Variants in GRIK4 observed in about 807,000 individuals in gnomAD.
The protein encoded by GRIK4 is glutamate receptor ionotropic, kainate 4.
A neutral mutation model predicts 104.9 loss-of-function variants in GRIK4; 40 were observed. That is an observed-to-expected ratio of 0.38 (90% CI 0.30 to 0.50). The LOEUF is 0.50. Among genes scored for constraint, GRIK4 ranks in the 20% least tolerant of loss-of-function variants. The pLI is 0.93. For synonymous variants in GRIK4, 485 were observed against 524.9 expected (o/e 0.92, Z 1.04); for missense variants, 1,047 against 1,308.1 (o/e 0.80, Z 3.08).
rs1948115111 is a variant in GRIK4 at position 120,549,181 on chromosome 11, C to T, written c.-159+37294C>T. ...TGGCGTGATCTCAGCTCACTGCAACCTCTGCTTCCTGGGTTCAAGCAATTC... is the reference window on the plus strand; with the variant it reads ...TGGCGTGATCTCAGCTCACTGCAACTTCTGCTTCCTGGGTTCAAGCAATTC... On this transcript the variant is annotated intron_variant, in intron 1 of 20. Transcript: ENST00000527524. This position sits in a 1 kb window ranked among gnomAD's most constrained non-coding sequence, Gnocchi z 4.7. Among the ~76,000 whole-genome samples the T allele has an allele frequency of 6.6e-6, 1 of 152,084 alleles. No homozygotes were observed. Among genetic ancestry groups the T allele is most frequent in the Non-Finnish European group, 1.5e-5 (1 of 68,008 alleles).
intron 14 of GRIK4, among the ~76,000 whole-genome samples, chr11:120,947,520 G>A (rs1943891561): frequency 6.6e-6 from 1 of 152,144 alleles, no homozygotes; most frequent in Non-Finnish European, 1.5e-5. Context: ...GACTGTCTAG[G>A]AAAATGGAGA....
At chr11:120,870,426 C>T (rs2135666530) in intron 9 of GRIK4, 1 of 152,390 alleles carries the variant, frequency 6.6e-6, no homozygotes, top group East Asian at 1.9e-4. Context: ...AGAAGCCTGC[C>T]CACCATCCCT....
intron 3 of GRIK4, among the ~76,000 whole-genome samples, chr11:120,720,226 A>G (rs1230473860): frequency 1.3e-5 from 2 of 152,092 alleles, no homozygotes; most frequent in Non-Finnish European, 2.9e-5. Context: ...CATTAGAACA[A>G]CTTCTGCTGG....
At chr11:120,850,540 C>G (rs1357777682) in intron 8 of GRIK4, among the ~76,000 whole-genome samples, 5 of 152,206 alleles carry the variant, frequency 3.3e-5, no homozygotes, top group Admixed American at 6.5e-5. Context: ...TCTGTGTTGT[C>G]TCTGCTGAAG....
chr11:120,706,429 G>A (rs540768007), intron 3 of GRIK4, among the ~76,000 whole-genome samples: 76 of 152,280 alleles, frequency 5.0e-4, no homozygotes, highest in African/African-American at 1.6e-3. Context: ...GAGTGTGCAC[G>A]TGTGGATGTG....
At chr11:120,763,265 C>T (rs1211175770) in intron 3 of GRIK4, among the ~76,000 whole-genome samples, 11 of 151,792 alleles carry the variant, frequency 7.2e-5, no homozygotes, top group Admixed American at 3.3e-4. Flanking sequence ...GATGGTAGTT[C>T]GTATTCTTTG....
chr11:120,658,727 CTTTTTTTTTTTTTTTTTTTTTT>C (rs71050753), intron 2 of GRIK4, among the ~76,000 whole-genome samples: 13 of 56,692 alleles, frequency 2.3e-4, no homozygotes, highest in Non-Finnish European at 3.1e-4. Context: ...GAGGACGAAA[CTTTTTTTTTTTTTTTTTTTTTT>C]TTTTTTTTTT....
At position 120,905,589 on chromosome 11, in the gene GRIK4, TCA is replaced by T. The variant is rs986254592; in HGVS notation, c.1476+97_1476+98del. 2.2e-5 allele frequency: 18 copies of T among 826,792 alleles called. No homozygotes were observed. The highest frequency in any genetic ancestry group is 3.6e-5 in the Non-Finnish European group (18 of 493,624). The allele number at this position is 826,792 out of a possible 1,614,324, so 51.2% of individuals were successfully genotyped here. A position where few individuals can be genotyped will look rare whatever the true frequency, so the allele number is the denominator to read the frequency against. ...GCACGCTCATGAACCCTCCATTTGT[TCA>T]GTCAATCATTCATGCATTTGTCATT... On this transcript the variant is annotated intron_variant, in intron 13 of 20. Coordinates refer to ENST00000527524, the MANE Select transcript of GRIK4 (RefSeq NM_014619.5). The surrounding 1 kb of genome is among the most constrained non-coding windows in gnomAD (Gnocchi z 5.1).
Position 120,802,718 on chromosome 11 carries a change from G to C in GRIK4, c.108G>C (p.Glu36Asp), listed in dbSNP as rs1256521092. 1 of 1,614,102 alleles carries C rather than the reference G, an allele frequency of 6.2e-7. No homozygotes were observed. Among genetic ancestry groups the C allele is most frequent in the Admixed American group, 1.7e-5 (1 of 60,028 alleles). ...RIAAILDDPM[E>D]CSRGERLSIT... ...CTGCTATCTTGGACGACCCCATGGA[G>C]TGCAGCAGAGGGGAGCGGCTCTCCA... The change falls in exon 4 of 21, where the codon GAG (glutamate) becomes GAC (aspartate). Residue 36 changes from glutamate (E) to aspartate (D), a missense_variant. Around this residue, in one of 3 missense-constraint regions of GRIK4, gnomAD observed 447 missense variants for 514.9 expected, o/e 0.87. Transcript: ENST00000527524.
At chr11:120,693,389 C>A (rs750966955) in intron 3 of GRIK4, among the ~76,000 whole-genome samples, 4 of 152,160 alleles carry the variant, frequency 2.6e-5, no homozygotes, top group Non-Finnish European at 5.9e-5. Flanking sequence ...GCAGGCATGA[C>A]CACCGTGCCA....
intron 1 of GRIK4, among the ~76,000 whole-genome samples, chr11:120,542,334 C>T (rs766738898): frequency 1.2e-4 from 18 of 152,126 alleles, no homozygotes; most frequent in Non-Finnish European, 2.6e-4. Flanking sequence ...AACATAATAC[C>T]TGAAATCATA....
chr11:120,603,991 A>T (rs1439071317), intron 1 of GRIK4, among the ~76,000 whole-genome samples: 2 of 151,970 alleles, frequency 1.3e-5, no homozygotes, highest in African/African-American at 4.8e-5. Flanking sequence ...TAACACGGTG[A>T]AACCCCGTCT....
At chr11:120,917,247 CAAAAAAAAAAAAAA>C (rs199620498) in intron 13 of GRIK4, among the ~76,000 whole-genome samples, 3 of 34,796 alleles carry the variant, frequency 8.6e-5, no homozygotes, top group Non-Finnish European at 1.6e-4. Context: ...AACTCCGTCT[CAAAAAAAAAAAAAA>C]AAAAAAAAAA....
rs1565459468 is a variant in GRIK4 at position 120,953,242 on chromosome 11, AC to A, written c.1700+283del. ...CCTGTCCCCTCCCACTTCTCCCCAGACCCCCACCTAAGCCCCTTGCTTGTGT... is the reference window on the plus strand; with the variant it reads ...CCTGTCCCCTCCCACTTCTCCCCAGACCCCACCTAAGCCCCTTGCTTGTGT... On this transcript the variant is annotated intron_variant, in intron 15 of 20. Coordinates refer to ENST00000527524, the MANE Select transcript of GRIK4 (RefSeq NM_014619.5). The surrounding 1 kb of genome is among the most constrained non-coding windows in gnomAD (Gnocchi z 4.9). Among the ~76,000 whole-genome samples, 1 of 151,490 alleles carries A rather than the reference AC, an allele frequency of 6.6e-6. No homozygotes were observed. Among genetic ancestry groups the A allele is most frequent in the Admixed American group, 6.6e-5 (1 of 15,226 alleles).
chr11:120,916,246 G>C (rs1943102293), intron 13 of GRIK4, among the ~76,000 whole-genome samples: 1 of 152,212 alleles, frequency 6.6e-6, no homozygotes, highest in Non-Finnish European at 1.5e-5. Flanking sequence ...AGTGCTAGGA[G>C]TTGAAGTCAG....
intron 11 of GRIK4, chr11:120,894,316 C>G (rs1034749473): frequency 5.9e-5 from 9 of 152,176 alleles, no homozygotes; most frequent in Admixed American, 5.9e-4. Context: ...CGGTAACTTA[C>G]CCAAGTTCAC....
chr11:120,566,124 C>T (rs1258388252), intron 1 of GRIK4, among the ~76,000 whole-genome samples: 1 of 152,202 alleles, frequency 6.6e-6, no homozygotes, highest in African/African-American at 2.4e-5. Flanking sequence ...TGTTCTTTGC[C>T]TATTACCCTA....
At chr11:120,955,782 T>C (rs1944131189) in intron 15 of GRIK4, among the ~76,000 whole-genome samples, 2 of 151,994 alleles carry the variant, frequency 1.3e-5, no homozygotes, top group Admixed American at 6.5e-5. Flanking sequence ...ACCAGAATCT[T>C]TGGGAGTGGA....
chr11:120,675,565 TA>T (rs752795927), intron 3 of GRIK4, among the ~76,000 whole-genome samples: 2 of 152,228 alleles, frequency 1.3e-5, no homozygotes, highest in African/African-American at 4.8e-5. Flanking sequence ...TATTAGTTTC[TA>T]TTTTTTTATT....
Sources: gnomAD v4.1 joint callset for allele counts (sites outside exome capture counted in the v4.1 genomes callset) on GRCh38, gnomAD v4.1.1 for gene constraint, gnomAD v4.1.1 regional missense constraint, Gnocchi (gnomAD v3.1) non-coding constraint, MANE v1.5 for transcripts, NCBI Gene and HGNC (gene_info 2026-07-23, HGNC 2026-07-21) for gene names.